Variants in PTPRC observed in about 807,000 individuals in gnomAD.
PTPRC encodes the protein receptor-type tyrosine-protein phosphatase C.
In PTPRC, 44 loss-of-function variants were observed where a neutral mutation model predicts 155.9. The observed-to-expected ratio is 0.28, with a 90% CI of 0.22 to 0.36. The LOEUF (loss-of-function observed/expected upper bound fraction) is 0.36, where lower values mean the gene tolerates loss of function less well. PTPRC is among the 10% of genes least tolerant of loss of function. The pLI is 1.00. For missense variants in PTPRC, 1,401 were observed against 1,564.6 expected (o/e 0.90, Z 1.76); for synonymous variants, 525 against 533.1 (o/e 0.98, Z 0.21).
chr1:198,681,795 A>T (rs189843069), intron 2 of PTPRC, among the ~76,000 whole-genome samples: 1 of 152,248 alleles, frequency 6.6e-6, no homozygotes. Flanking sequence ...TAAATCACAT[A>T]ATAAAACTAA....
intron 2 of PTPRC, among the ~76,000 whole-genome samples, chr1:198,647,158 G>C (rs1662983959): frequency 6.6e-6 from 1 of 151,782 alleles, no homozygotes; most frequent in African/African-American, 2.4e-5. Context: ...ATGTCCTCTA[G>C]ACAGCCCCTA....
At chr1:198,716,925 T>G in intron 13 of PTPRC, 85 bp downstream of exon 13, 2 of 1,304,764 alleles carry the variant, frequency 1.5e-6, no homozygotes, top group South Asian at 1.2e-5. Context: ...TCTATCTTTA[T>G]TCTAGCAAGC....
At chr1:198,665,120 C>T (rs549312849) in intron 2 of PTPRC, among the ~76,000 whole-genome samples, 32 of 125,648 alleles carry the variant, frequency 2.5e-4, no homozygotes, top group African/African-American at 8.6e-4. Context: ...GACGGAGTCT[C>T]GCTCTGTCGC....
At chr1:198,689,773 C>A (rs1040174732) in intron 2 of PTPRC, among the ~76,000 whole-genome samples, 12 of 152,302 alleles carry the variant, frequency 7.9e-5, no homozygotes, top group African/African-American at 2.4e-4. Flanking sequence ...ACAGCTATTT[C>A]TCTTTCTTCT....
intron 2 of PTPRC, among the ~76,000 whole-genome samples, chr1:198,671,329 C>T (rs1664634456): frequency 6.6e-6 from 1 of 152,034 alleles, no homozygotes; most frequent in African/African-American, 2.4e-5. Flanking sequence ...AGGCATTTAA[C>T]GCTATTGACA....
chr1:198,734,740 C>T (rs1277319048), intron 22 of PTPRC, among the ~76,000 whole-genome samples: 2 of 151,630 alleles, frequency 1.3e-5, no homozygotes, highest in Admixed American at 1.3e-4. Context: ...GACCTTAATA[C>T]TCGAAACAAA....
intron 17 of PTPRC, among the ~76,000 whole-genome samples, chr1:198,730,369 A>G (rs1654331035): frequency 6.6e-6 from 1 of 152,058 alleles, no homozygotes; most frequent in Non-Finnish European, 1.5e-5. Flanking sequence ...ATATTTATTC[A>G]TTTGGTCATT....
At chr1:198,656,639 G>GTTTTTTT (rs201088832) in intron 2 of PTPRC, among the ~76,000 whole-genome samples, 2 of 85,140 alleles carry the variant, frequency 2.3e-5, no homozygotes, top group Admixed American at 1.4e-4. Flanking sequence ...AGGGCTACTA[G>GTTTTTTT]TTTTTTGTTT....
intron 2 of PTPRC, among the ~76,000 whole-genome samples, chr1:198,665,140 A>T (rs923369482): frequency 1.7e-5 from 2 of 115,774 alleles, no homozygotes; most frequent in Non-Finnish European, 3.2e-5. Context: ...CCCAGGCTGG[A>T]GTGCAGTGGT....
intron 18 of PTPRC, 65 bp downstream of exon 18, chr1:198,731,791 T>C: frequency 8.0e-7 from 1 of 1,257,708 alleles, no homozygotes; most frequent in Non-Finnish European, 1.2e-6. Context: ...TTAAGTGTAT[T>C]TATATTGCCA....
chr1:198,668,957 C>T (rs972760328), intron 2 of PTPRC, among the ~76,000 whole-genome samples: 1 of 152,122 alleles, frequency 6.6e-6, no homozygotes, highest in African/African-American at 2.4e-5. Flanking sequence ...TATTTGAACA[C>T]ATAAAGTAGG....
rs893233686 is a variant in PTPRC at position 198,750,614 on chromosome 1, A to T, written c.3195A>T (p.Lys1065Asn). ...TTATTGTTATGCTGACAGAACTGAA[A>T]CATGGAGACCAGGTTTGTACTTTTG... ...VKVIVMLTEL[K>N]HGDQEICAQY... The change falls in exon 29 of 33, where the codon AAA (lysine) becomes AAT (asparagine). Residue 1065 changes from lysine (K) to asparagine (N), a missense_variant. By Grantham distance (94) the Lys-to-Asn change is moderately conservative. Coordinates refer to ENST00000442510, the MANE Select transcript of PTPRC (RefSeq NM_002838.5). 6.2e-7 allele frequency: 1 copy of T among 1,612,568 alleles called. No individual in the cohort carries two copies. The highest frequency in any genetic ancestry group is 1.3e-5 in the African/African-American group (1 of 74,800).
Position 198,708,896 on chromosome 1 carries a change from C to G in PTPRC, c.1033+635C>G, listed in dbSNP as rs149618516. Among the ~76,000 whole-genome samples, 266 of 152,334 alleles carry G rather than the reference C, an allele frequency of 1.7e-3. 1 individual carries two copies. Among genetic ancestry groups the G allele is most frequent in the South Asian group, 3.3e-3 (16 of 4,826 alleles). On this transcript the variant is annotated intron_variant, in intron 10 of 32. Transcript: ENST00000442510. ...GCCAGGCCATAGCTGGCATGACAGA[C>G]AGATGTGCTCAGGTGTGCATGCGCA... is the stretch of plus-strand genomic sequence containing the variant.
intron 2 of PTPRC, among the ~76,000 whole-genome samples, chr1:198,640,073 T>A (rs1662488742): frequency 6.6e-6 from 1 of 152,002 alleles, no homozygotes; most frequent in Non-Finnish European, 1.5e-5. Context: ...ATGCAAATGC[T>A]GTATTCAGTA....
At chr1:198,692,123 C>G (rs1355367315) in intron 2 of PTPRC, among the ~76,000 whole-genome samples, 1 of 151,882 alleles carries the variant, frequency 6.6e-6, no homozygotes, top group African/African-American at 2.4e-5. Context: ...CTGATTTAGC[C>G]TGGGGATTCA....
rs535440030 is a variant in PTPRC, at chr1:198,742,505, C to T, written c.2697+138C>T. On this transcript the variant is annotated intron_variant, in intron 25 of 32. Transcript: ENST00000442510. ...GTAGATGATTTCCTGAAAACTAAAA[C>T]GTGGTAATCACCAGAAATACTTAGA... is the stretch of plus-strand genomic sequence containing the variant. The T allele has an allele frequency of 1.5e-4, 161 of 1,100,190 alleles. 2 individuals are homozygous for T. In the East Asian group the frequency reaches 3.5e-3, roughly 24 times the overall value. 68.2% of individuals were successfully genotyped at this position (1,100,190 alleles called of 1,614,324 possible).
rs1655685423 is a variant in PTPRC at position 198,756,632 on chromosome 1, T to C, written c.*451T>C. ...ACTGTGTGCAGACTCAATAAAATCA[T>C]GTACATTTCTGAAATGACCTCAAGA... On this transcript the variant is annotated 3_prime_UTR_variant, in exon 33 of 33. Coordinates refer to ENST00000442510, the MANE Select transcript of PTPRC (RefSeq NM_002838.5). 5.9e-6 allele frequency: 1 copy of C among 170,286 alleles called. No individual in the cohort carries two copies. The highest frequency in any genetic ancestry group is 1.3e-5 in the Non-Finnish European group (1 of 78,780). 10.5% of individuals were successfully genotyped at this position (170,286 alleles called of 1,614,324 possible).
At chr1:198,746,069 C>A (rs1362322592) in intron 26 of PTPRC, among the ~76,000 whole-genome samples, 1 of 151,260 alleles carries the variant, frequency 6.6e-6, no homozygotes, top group African/African-American at 2.4e-5. Flanking sequence ...GGTGAAGAAG[C>A]TAAGAAATGA....
intron 2 of PTPRC, among the ~76,000 whole-genome samples, chr1:198,642,931 T>C (rs912037270): frequency 6.7e-6 from 1 of 148,910 alleles, no homozygotes; most frequent in South Asian, 2.1e-4. Flanking sequence ...TTTCTTTCTT[T>C]CTTTCTTTCT....
Sources: allele counts gnomAD v4.1 joint callset (sites outside exome capture counted in the v4.1 genomes callset), GRCh38; gene constraint gnomAD v4.1.1; transcripts MANE v1.5; gene names NCBI Gene and HGNC (gene_info 2026-07-23, HGNC 2026-07-21).